PCDHA4: variants seen among roughly 807,000 people sequenced by gnomAD.
PCDHA4 encodes the protein protocadherin alpha 4.
PCDHA4 carries 49 observed loss-of-function variants against 61.4 expected under a neutral mutation model. The observed-to-expected ratio is 0.80, with a 90% CI of 0.63 to 1.01. The LOEUF (loss-of-function observed/expected upper bound fraction) is 1.01. PCDHA4 is among the 50% of genes least tolerant of loss of function. The pLI, the probability that PCDHA4 is intolerant of heterozygous loss-of-function variation, is 0.00. For synonymous variants in PCDHA4, 590 were observed against 550.3 expected, an observed-to-expected ratio of 1.07 and a Z score of -1.01; for missense variants, 1,254 against 1,235.8, an observed-to-expected ratio of 1.01 and a Z score of -0.22.
intron 1 of PCDHA4, among the ~76,000 whole-genome samples, chr5:140,838,927 A>G (rs2150156100): frequency 6.6e-6 from 1 of 152,088 alleles, no homozygotes; most frequent in African/African-American, 2.4e-5. Context: ...AAATAAAATA[A>G]AATGAAATAA....
chr5:140,884,503 A>C (rs782488569), intron 1 of PCDHA4: 82 of 1,613,940 alleles, frequency 5.1e-5, no homozygotes, highest in Middle Eastern at 1.6e-4. Flanking sequence ...CCAGCGCGGC[A>C]GGGAGTTGGT....
At chr5:140,993,984 CACTT>C (rs2097589955) in intron 3 of PCDHA4, among the ~76,000 whole-genome samples, 1 of 152,114 alleles carries the variant, frequency 6.6e-6, no homozygotes, top group Non-Finnish European at 1.5e-5. Flanking sequence ...ATTTATTAAG[CACTT>C]AGGTCAGGCC....
chr5:140,928,066 G>A lies in PCDHA4; in HGVS notation c.2386-50883G>A, dbSNP rs376048656. On this transcript the variant is annotated intron_variant, in intron 1 of 3. Transcript: ENST00000530339. ...CCCTTTTCAGCTGACGGCTTCCTTT[G>A]ACAACTACTACAGCCTGCTGATTGA... 8.7e-6 allele frequency: 14 copies of A among 1,614,036 alleles called. No individual in the cohort carries two copies. In the African/African-American group the frequency reaches 1.9e-4, roughly 22 times the overall value.
At chr5:140,834,387 G>C in intron 1 of PCDHA4, 1 of 1,584,008 alleles carries the variant, frequency 6.3e-7, no homozygotes, top group South Asian at 1.2e-5. Flanking sequence ...ATTTGAAATG[G>C]TGTGCCCGAA....
At chr5:140,922,735 G>A (rs1370700616) in intron 1 of PCDHA4, among the ~76,000 whole-genome samples, 2 of 152,078 alleles carry the variant, frequency 1.3e-5, no homozygotes, top group Admixed American at 1.3e-4. Flanking sequence ...ACAAGGTTGA[G>A]AAAAATAAAT....
chr5:140,965,527 A>G (rs2095909626), intron 1 of PCDHA4, among the ~76,000 whole-genome samples: 1 of 151,946 alleles, frequency 6.6e-6, no homozygotes, highest in Non-Finnish European at 1.5e-5. Flanking sequence ...CAAAGCATTA[A>G]TGGAATCCAA....
At chr5:140,941,255 C>CTTTCTTTCTTTCTCTT (rs782490896) in intron 1 of PCDHA4, among the ~76,000 whole-genome samples, 1 of 44,508 alleles carries the variant, frequency 2.2e-5, no homozygotes, top group East Asian at 7.5e-4. Context: ...TTCTTTCTTT[C>CTTTCTTTCTTTCTCTT]TCTTTCTTTC....
At position 140,895,475 on chromosome 5, in the gene PCDHA4, G is replaced by A. The variant is rs532993154; in HGVS notation, c.2386-83474G>A. Among the ~76,000 whole-genome samples the A allele has an allele frequency of 2.0e-4, 31 of 152,002 alleles. No individual in the cohort carries two copies. The South Asian group carries it at 5.0e-3, about 24-fold the overall frequency. On this transcript the variant is annotated intron_variant, in intron 1 of 3. Coordinates refer to ENST00000530339, the MANE Select transcript of PCDHA4 (RefSeq NM_018907.4). ...TATTGGTCATTTCTTTATCCTCTTC[G>A]GAGAAATACCTATTCAGAACTTTTG...
Position 140,850,539 on chromosome 5 carries a change from G to A in PCDHA4, c.2385+40967G>A, listed in dbSNP as rs1310321897. 6.3e-7 allele frequency: 1 copy of A among 1,598,284 alleles called. No individual in the cohort carries two copies. Among genetic ancestry groups the A allele is most frequent in the Non-Finnish European group, 8.6e-7 (1 of 1,167,870 alleles). On this transcript the variant is annotated intron_variant, in intron 1 of 3. Coordinates refer to ENST00000530339, the MANE Select transcript of PCDHA4 (RefSeq NM_018907.4). ...CCAGGCGCCAAAGTCATCGTCGCGG[G>A]CGTCAGTGGGTGCCACGGGCCCCGA...
chr5:140,954,845 C>G (rs1479368081), intron 1 of PCDHA4, among the ~76,000 whole-genome samples: 2 of 152,140 alleles, frequency 1.3e-5, no homozygotes, highest in African/African-American at 2.4e-5. Flanking sequence ...AAATCTTTGC[C>G]TGTGCCTATG....
chr5:140,849,758 C>T lies in PCDHA4; in HGVS notation c.2385+40186C>T, dbSNP rs150560525. ...TGGACCGCGAGAGTGTGTCCGCCTA[C>T]GAGCTGGTGGTTACCGCGCGGGACG... On this transcript the variant is annotated intron_variant, in intron 1 of 3. Transcript: ENST00000530339. 1.8e-4 allele frequency: 292 copies of T among 1,598,480 alleles called. 14 individuals are homozygous for T. The highest frequency in any genetic ancestry group is 1.6e-3 in the African/African-American group (121 of 74,466).
intron 1 of PCDHA4, chr5:140,869,622 TA>T: frequency 6.2e-7 from 1 of 1,613,790 alleles, no homozygotes; most frequent in Non-Finnish European, 8.5e-7. Context: ...ACAGGCTAAG[TA>T]AAAATGAGTA....
At chr5:140,937,658 A>T (rs1045534345) in intron 1 of PCDHA4, among the ~76,000 whole-genome samples, 2 of 151,280 alleles carry the variant, frequency 1.3e-5, no homozygotes, top group Non-Finnish European at 2.9e-5. Flanking sequence ...CACGCCTGTA[A>T]TCCCAGCACT....
chr5:140,883,227 T>C (rs1367769120), intron 1 of PCDHA4: 2 of 1,613,830 alleles, frequency 1.2e-6, no homozygotes, highest in African/African-American at 2.7e-5. Flanking sequence ...GAAATATCCG[T>C]GGAGGCAGTT....
Position 140,896,030 on chromosome 5 carries a change from C to T in PCDHA4, c.2386-82919C>T, listed in dbSNP as rs180907288. On this transcript the variant is annotated intron_variant, in intron 1 of 3. Transcript: ENST00000530339. ...TTCTCCATGTTGGCCAGGCTGGTCT[C>T]GAACTCCTGACCTCAGGTGATCCGC... Among the ~76,000 whole-genome samples, 1,221 of 152,240 alleles carry T rather than the reference C, an allele frequency of 8.0e-3. 6 individuals are homozygous for T. The highest frequency in any genetic ancestry group is 0.019 in the African/African-American group (785 of 41,560).
At chr5:140,809,613 TTTCTC>T in intron 1 of PCDHA4, 41 bp downstream of exon 1, 1 of 1,520,660 alleles carries the variant, frequency 6.6e-7, no homozygotes, top group Non-Finnish European at 8.8e-7. Flanking sequence ...TCGTATTGTT[TTTCTC>T]TATCAACTTC....
chr5:140,851,763 C>T (rs1554145528), intron 1 of PCDHA4: 1 of 969,364 alleles, frequency 1.0e-6, no homozygotes, highest in Admixed American at 6.3e-5. Context: ...TAAAACATTA[C>T]CCTTATGAAT....
At chr5:140,949,991 A>T (rs1585353048) in intron 1 of PCDHA4, among the ~76,000 whole-genome samples, 1 of 151,822 alleles carries the variant, frequency 6.6e-6, no homozygotes, top group East Asian at 1.9e-4. Flanking sequence ...AACTTTTCTC[A>T]GTCCACTTAA....
At chr5:140,927,220 A>T (rs1554204179) in intron 1 of PCDHA4, 1 of 1,614,090 alleles carries the variant, frequency 6.2e-7, no homozygotes, top group Admixed American at 1.7e-5. Flanking sequence ...GCTGCACAAG[A>T]TTCGGATTCA....
Sources: gnomAD v4.1 joint callset for allele counts (sites outside exome capture counted in the v4.1 genomes callset) on GRCh38, gnomAD v4.1.1 for gene constraint, MANE v1.5 for transcripts, NCBI Gene and HGNC (gene_info 2026-07-23, HGNC 2026-07-21) for gene names.